Variants in TSC2 observed in about 807,000 individuals in gnomAD.
TSC2 encodes TSC complex subunit 2, also known as tuberin.
TSC2 carries 29 observed loss-of-function variants against 202.2 expected under a neutral mutation model. The observed-to-expected ratio is 0.14, with a 90% CI of 0.11 to 0.20. The LOEUF (loss-of-function observed/expected upper bound fraction) is 0.20. TSC2 is among the 10% of genes least tolerant of loss of function. TSC2 has a pLI of 1.00. For missense variants in TSC2, 2,429 were observed against 2,420.0 expected (o/e 1.00, Z -0.08); for synonymous variants, 1,349 against 1,044.0 (o/e 1.29, Z -5.63).
rs1323293907 is a variant in TSC2, at chr16:2,085,221, G to A, written c.4570-9G>A. On this transcript the variant is annotated splice_polypyrimidine_tract_variant and intron_variant, in intron 35 of 41. Coordinates refer to ENST00000219476, the MANE Select transcript of TSC2 (RefSeq NM_000548.5). ...GTCTGGGGCTCAGGCAGGGCTCTGT[G>A]TGCCACAGTCACAGTCCTTTGAGCG... 6.2e-7 allele frequency: 1 copy of A among 1,612,644 alleles called. No homozygotes were observed.
intron 1 of TSC2, 194 bp from the exon 2 acceptor site, chr16:2,048,393 C>A: frequency 1.2e-6 from 1 of 851,050 alleles, no homozygotes; most frequent in South Asian, 1.4e-5. Context: ...TAGACCAGGC[C>A]TGGTGTCTCC....
At position 2,064,503 on chromosome 16, in the gene TSC2, G is replaced by C. The variant is rs1219340611; in HGVS notation, c.1599+76G>C. On this transcript the variant is annotated intron_variant, in intron 15 of 41. Transcript: ENST00000219476. ...GGCAGCAATGGCCTCTGGGCCCTCT[G>C]TCCTCCTCTTCGAGTGACCGGATGG... is the stretch of plus-strand genomic sequence containing the variant. The C allele has an allele frequency of 8.7e-6, 14 of 1,604,792 alleles. No individual in the cohort carries two copies. In the Admixed American group the frequency reaches 1.3e-4, roughly 15 times the overall value.
chr16:2,072,484 C>G (rs577759646), intron 20 of TSC2, 121 bp downstream of exon 20: 2 of 1,463,596 alleles, frequency 1.4e-6, no homozygotes, highest in African/African-American at 2.8e-5. Flanking sequence ...CCCTCAAACT[C>G]AGCTGCACTC....
chr16:2,056,916 G>A (rs975713891), intron 8 of TSC2, 147 bp downstream of exon 8: 2 of 1,465,830 alleles, frequency 1.4e-6, no homozygotes. Flanking sequence ...TTCCCAGGCA[G>A]TTGAGCTGAG....
chr16:2,084,230 G>C lies in TSC2; in HGVS notation c.4008G>C (p.Ser1336=). ...MDRRTDAYSR[S]SSVSSQEEKS... The stretch of plus-strand genomic sequence containing the variant: ...CTCTTTGGGATGGTCCTTTCTAGTC[G>C]TCCTCAGTCTCCAGCCAGGAGGAGA... Residue 1336 remains serine, a splice_region_variant and synonymous_variant, in exon 34 of 42, where the codon TCG becomes TCC. Coordinates refer to ENST00000219476, the MANE Select transcript of TSC2 (RefSeq NM_000548.5). 6.3e-7 allele frequency: 1 copy of C among 1,587,234 alleles called. No homozygotes were observed. Among genetic ancestry groups the C allele is most frequent in the Non-Finnish European group, 8.6e-7 (1 of 1,166,032 alleles).
rs1275951550 is a variant in TSC2 at position 2,079,233 on chromosome 16, G to A, written c.3131+37G>A. ...ACTACAGGGCTGGGCGGGCCTGCGG[G>A]AGCTCCACGGGCAAGCTGGGTTTCA... is the stretch of plus-strand genomic sequence containing the variant. On this transcript the variant is annotated intron_variant, in intron 27 of 41. Transcript: ENST00000219476. This position sits in a 1 kb window ranked among gnomAD's most constrained non-coding sequence, Gnocchi z 4.6. The A allele has an allele frequency of 1.9e-6, 3 of 1,612,946 alleles. No homozygotes were observed. Among genetic ancestry groups the A allele is most frequent in the Non-Finnish European group, 2.5e-6 (3 of 1,180,030 alleles).
In TSC2 at chr16:2,088,872, T is replaced by A; in HGVS notation, c.*262T>A. 2.0e-6 allele frequency: 1 copy of A among 500,476 alleles called. No homozygotes were observed. Among genetic ancestry groups the A allele is most frequent in the African/African-American group, 2.1e-5 (1 of 47,672 alleles). 31.0% of individuals were successfully genotyped at this position (500,476 alleles called of 1,614,324 possible). The stretch of plus-strand genomic sequence containing the variant: ...CTGGGCCATACAGCACACTCGCGCG[T>A]GCGCGCGCGCACACACACACACACA... On this transcript the variant is annotated 3_prime_UTR_variant, in exon 42 of 42. Transcript: ENST00000219476.
At chr16:2,078,119 G>GA (rs2089657406) in intron 26 of TSC2, 1 of 305,814 alleles carries the variant, frequency 3.3e-6, no homozygotes, top group Non-Finnish European at 6.4e-6. Flanking sequence ...TGTTGTAGCT[G>GA]AAAGGGAACA....
chr16:2,063,234 G>C, intron 14 of TSC2, 181 bp downstream of exon 14: 2 of 759,244 alleles, frequency 2.6e-6, no homozygotes, highest in Non-Finnish European at 4.4e-6. Context: ...GCTCGTCCTG[G>C]GTGCCTCTGC....
chr16:2,065,533 C>T lies in TSC2; in HGVS notation c.1614C>T (p.Ser538=), dbSNP rs759762459. ...LDIIEKVMAR[S]LSPPPELEER... is the part of the protein sequence containing the mutation. ...TCTCTTCAAAGGTGATGGCCCGCTC[C>T]CTCTCCCCACCCCCGGAGCTGGAAG... The change falls in exon 16 of 42, where the codon TCC becomes TCT. Residue 538 remains serine (S), a synonymous_variant. Coordinates refer to ENST00000219476, the MANE Select transcript of TSC2 (RefSeq NM_000548.5). 6 of 1,613,766 alleles carry T rather than the reference C, an allele frequency of 3.7e-6. No homozygotes were observed. Among genetic ancestry groups the T allele is most frequent in the Non-Finnish European group, 4.2e-6 (5 of 1,179,978 alleles).
intron 12 of TSC2, 107 bp downstream of exon 12, chr16:2,062,115 G>A: frequency 6.6e-7 from 1 of 1,521,596 alleles, no homozygotes; most frequent in Non-Finnish European, 9.0e-7. Flanking sequence ...GGCCAGGTGG[G>A]CGCCTGCTTT....
intron 31 of TSC2, 120 bp from the exon 32 acceptor site, chr16:2,082,316 C>CCCCTGCCGGCCGCTGG: frequency 8.3e-7 from 1 of 1,202,688 alleles, no homozygotes; most frequent in South Asian, 1.2e-5. Flanking sequence ...CCCGTGCGCG[C>CCCCTGCCGGCCGCTGG]CCCTGCCGGC....
chr16:2,060,544 C>G (rs1376798180), intron 10 of TSC2, 126 bp from the exon 11 acceptor site: 1 of 1,527,990 alleles, frequency 6.5e-7, no homozygotes, highest in Non-Finnish European at 9.0e-7. Context: ...TCTGCGGCCC[C>G]TGATAAACGT....
In TSC2 at chr16:2,065,621, C is replaced by T. The variant is rs778399398; in HGVS notation, c.1702C>T (p.Leu568=). ...EDVKTAVLGL[L]VILQTKLYTL... is the part of the protein sequence containing the mutation. ...TGTGAAGACAGCCGTCCTGGGGCTTCTGGTCATCCTTCAGGTGGGTGTTCT... is the reference window on the plus strand; with the variant it reads ...TGTGAAGACAGCCGTCCTGGGGCTTTTGGTCATCCTTCAGGTGGGTGTTCT... Residue 568 remains leucine, a synonymous_variant, in exon 16 of 42, where the codon CTG becomes TTG. Coordinates refer to ENST00000219476, the MANE Select transcript of TSC2 (RefSeq NM_000548.5). The T allele has an allele frequency of 2.5e-6, 4 of 1,613,698 alleles. No homozygotes were observed. The South Asian group carries it at 4.4e-5, about 18-fold the overall frequency.
In TSC2 at chr16:2,054,431, G is replaced by C. The variant is rs1596265482; in HGVS notation, c.472G>C (p.Glu158Gln). The change falls in exon 5 of 42, where the codon GAA (glutamate) becomes CAA (glutamine). Residue 158 changes from glutamate (E) to glutamine (Q), a missense_variant. Transcript: ENST00000219476. ...DNGRHITYLEEELADFVLQWM... is the reference protein window; with the variant it reads ...DNGRHITYLEQELADFVLQWM... ...TGGGAGACACATCACCTACTTGGAG[G>C]AAGAGCTGGGTGGGTGCCACCTTGG... 1 of 1,614,218 alleles carries C rather than the reference G, an allele frequency of 6.2e-7. No homozygotes were observed. Among genetic ancestry groups the C allele is most frequent in the Non-Finnish European group, 8.5e-7 (1 of 1,180,052 alleles).
intron 4 of TSC2, 29 bp from the exon 5 acceptor site, chr16:2,054,267 T>G (rs1402135840): frequency 5.6e-6 from 9 of 1,614,032 alleles, no homozygotes; most frequent in Non-Finnish European, 7.6e-6. Context: ...GCTGGCAGGC[T>G]CTGCTGATCC....
Position 2,083,829 on chromosome 16 carries a change from C to T in TSC2, c.4005+13C>T. 6.2e-7 allele frequency: 1 copy of T among 1,608,956 alleles called. No individual in the cohort carries two copies. Among genetic ancestry groups the T allele is most frequent in the Non-Finnish European group, 8.5e-7 (1 of 1,178,906 alleles). On this transcript the variant is annotated intron_variant, in intron 33 of 41. Transcript: ENST00000219476. Reference sequence around the variant, plus strand: ...TGCCTACAGCAGGGTGAGTGTGGCTCAGAGCCTGGACCCTGCTGACCTCGG... The same window carrying T: ...TGCCTACAGCAGGGTGAGTGTGGCTTAGAGCCTGGACCCTGCTGACCTCGG...
At chr16:2,085,068 G>A in intron 35 of TSC2, 42 bp downstream of exon 35, 1 of 1,611,596 alleles carries the variant, frequency 6.2e-7, no homozygotes, top group Non-Finnish European at 8.5e-7. Context: ...GGAGCTGTGT[G>A]GCTCGGGTGA....
chr16:2,088,556 G>A lies in TSC2; in HGVS notation c.5370G>A (p.Val1790=), dbSNP rs762032752. The A allele has an allele frequency of 6.2e-7, 1 of 1,611,314 alleles. No homozygotes were observed. Among genetic ancestry groups the A allele is most frequent in the Non-Finnish European group, 8.5e-7 (1 of 1,179,936 alleles). The part of the protein sequence containing the change: ...TPAEPTPGYE[V]GQRKRLISSV... ...CCGAGCCCACACCTGGCTATGAGGTGGGCCAGCGGAAGCGCCTCATCTCCT... is the reference window on the plus strand; with the variant it reads ...CCGAGCCCACACCTGGCTATGAGGTAGGCCAGCGGAAGCGCCTCATCTCCT... The change falls in exon 42 of 42, where the codon GTG becomes GTA. Residue 1790 remains valine (V), a synonymous_variant. Transcript: ENST00000219476.
Sources: allele counts gnomAD v4.1 joint callset, GRCh38; gene constraint gnomAD v4.1.1; non-coding constraint Gnocchi (gnomAD v3.1); transcripts MANE v1.5; gene names NCBI Gene and HGNC (gene_info 2026-07-23, HGNC 2026-07-21).